GGACT: variants seen among roughly 807,000 people sequenced by gnomAD.
The protein encoded by GGACT is gamma-glutamylamine cyclotransferase.
For missense variants in GGACT, 241 were observed against 233.2 expected (o/e 1.03, Z -0.22); for synonymous variants, 118 against 115.3 (o/e 1.02, Z -0.15).
chr13:100,587,134 C>T (rs1875603354), intron 1 of GGACT: 1 of 152,226 alleles, frequency 6.6e-6, no homozygotes, highest in Non-Finnish European at 1.5e-5. Context: ...CCACACCAGC[C>T]TGCTGGTGTC....
intron 2 of GGACT, among the ~76,000 whole-genome samples, chr13:100,572,427 T>C (rs1360971690): frequency 6.6e-6 from 1 of 152,240 alleles, no homozygotes; most frequent in East Asian, 1.9e-4. Flanking sequence ...TTAATGGATA[T>C]AGAATTTTAG....
chr13:100,559,960 A>G (rs969869888), intron 2 of GGACT, among the ~76,000 whole-genome samples: 1 of 152,270 alleles, frequency 6.6e-6, no homozygotes, highest in South Asian at 2.1e-4. Flanking sequence ...AATAACATGC[A>G]TAAATCTCAA....
At chr13:100,541,305 T>C (rs1440568579) in intron 2 of GGACT, among the ~76,000 whole-genome samples, 2 of 150,962 alleles carry the variant, frequency 1.3e-5, no homozygotes, top group Admixed American at 1.3e-4. Flanking sequence ...AACAATCCAC[T>C]GTGCCATAAC....
intron 2 of GGACT, among the ~76,000 whole-genome samples, chr13:100,554,758 T>C (rs1001728370): frequency 3.3e-5 from 5 of 152,228 alleles, no homozygotes; most frequent in African/African-American, 7.2e-5. Flanking sequence ...AAAGGCTCGA[T>C]AGTTATTGAA....
intron 2 of GGACT, among the ~76,000 whole-genome samples, chr13:100,543,487 G>A (rs956783507): frequency 6.6e-6 from 1 of 152,052 alleles, no homozygotes; most frequent in Non-Finnish European, 1.5e-5. Flanking sequence ...TTGCAGGCAT[G>A]AGCCAGCACG....
chr13:100,556,747 T>C lies in GGACT; in HGVS notation c.-10-24146A>G, dbSNP rs1594190567. On this transcript the variant is annotated intron_variant, in intron 2 of 2. Coordinates refer to ENST00000683975, the MANE Select transcript of GGACT (RefSeq NM_001195087.2). ...GTGCGTATTTCATATTGCATGCTTG[T>C]ATCAAAGCATCTCATGTAACCCATA... 2.0e-5 allele frequency among the ~76,000 whole-genome samples: 3 copies of C among 152,314 alleles called. No homozygotes were observed. In the South Asian group the frequency reaches 6.2e-4, roughly 32 times the overall value.
rs572216619 is a variant in GGACT, at chr13:100,577,191, G to A, written c.-11+6634C>T. On this transcript the variant is annotated intron_variant, in intron 2 of 2. Transcript: ENST00000683975. ...AGCACTTTGGGAGGCTGAGGACGGCGGATCATCTGAGGTCAGGAGTTCAAG... is the reference window on the plus strand; with the variant it reads ...AGCACTTTGGGAGGCTGAGGACGGCAGATCATCTGAGGTCAGGAGTTCAAG... 2.0e-4 allele frequency among the ~76,000 whole-genome samples: 31 copies of A among 152,152 alleles called. No homozygotes were observed. The South Asian group carries it at 3.1e-3, about 15-fold the overall frequency.
At chr13:100,535,717 G>A (rs1307337487) in intron 2 of GGACT, 1 of 152,202 alleles carries the variant, frequency 6.6e-6, no homozygotes, top group Non-Finnish European at 1.5e-5. Context: ...TCTTGGCTAA[G>A]ACACAGAGCA....
intron 1 of GGACT, among the ~76,000 whole-genome samples, chr13:100,588,423 T>C (rs545475002): frequency 6.6e-6 from 1 of 152,330 alleles, no homozygotes; most frequent in East Asian, 1.9e-4. Context: ...ACGCTTCCTT[T>C]ACAGGGAAGC....
intron 2 of GGACT, among the ~76,000 whole-genome samples, chr13:100,569,768 C>A (rs1875024166): frequency 6.6e-6 from 1 of 152,194 alleles, no homozygotes; most frequent in Non-Finnish European, 1.5e-5. Flanking sequence ...CTTTTATGGT[C>A]TGCTTCCTCT....
intron 2 of GGACT, among the ~76,000 whole-genome samples, chr13:100,543,362 C>T (rs1368074810): frequency 5.9e-5 from 9 of 151,958 alleles, no homozygotes; most frequent in Admixed American, 4.6e-4. Context: ...TGCCCACCAC[C>T]ACGCCTGGCT....
At chr13:100,559,438 C>T (rs938351339) in intron 2 of GGACT, among the ~76,000 whole-genome samples, 10 of 151,848 alleles carry the variant, frequency 6.6e-5, no homozygotes, top group African/African-American at 1.2e-4. Flanking sequence ...CTACCCCCCT[C>T]GGCCTCCCAA....
intron 2 of GGACT, among the ~76,000 whole-genome samples, chr13:100,579,180 T>C (rs558226604): frequency 3.4e-4 from 52 of 152,306 alleles, no homozygotes; most frequent in Admixed American, 1.5e-3. Flanking sequence ...CAATCAGAGC[T>C]CACAGCCCTG....
Position 100,534,026 on chromosome 13 carries a change from C to T in GGACT, c.-10-1425G>A, listed in dbSNP as rs894560524. ...GACCCGCCAGAAATGGCCCCGGACA[C>T]CACACTTGCCACCAATCATGTGGAC... On this transcript the variant is annotated intron_variant, in intron 2 of 2. Transcript: ENST00000683975. This position sits in a 1 kb window ranked among gnomAD's most constrained non-coding sequence, Gnocchi z 4.9. Among the ~76,000 whole-genome samples the T allele has an allele frequency of 1.3e-5, 2 of 152,230 alleles. No homozygotes were observed. Among genetic ancestry groups the T allele is most frequent in the Non-Finnish European group, 2.9e-5 (2 of 68,042 alleles).
At chr13:100,581,005 T>C (rs1303707219) in intron 2 of GGACT, among the ~76,000 whole-genome samples, 2 of 152,148 alleles carry the variant, frequency 1.3e-5, no homozygotes, top group Admixed American at 6.5e-5. Flanking sequence ...ACTGTTGGAA[T>C]GGGAGGTGAG....
At chr13:100,551,100 T>C (rs1261782511) in intron 2 of GGACT, among the ~76,000 whole-genome samples, 4 of 151,410 alleles carry the variant, frequency 2.6e-5, no homozygotes, top group South Asian at 2.1e-4. Flanking sequence ...CTGGCTAACA[T>C]AGTGAAACCC....
intron 2 of GGACT, among the ~76,000 whole-genome samples, chr13:100,556,117 G>A (rs1054946963): frequency 1.3e-5 from 2 of 152,170 alleles, no homozygotes; most frequent in Non-Finnish European, 2.9e-5. Flanking sequence ...CTAAATCCTC[G>A]AGGTTCTAGC....
At chr13:100,551,407 C>T (rs957353124) in intron 2 of GGACT, among the ~76,000 whole-genome samples, 3 of 152,206 alleles carry the variant, frequency 2.0e-5, no homozygotes, top group African/African-American at 2.4e-5. Context: ...GACCAGCGCC[C>T]GTGGCAAGGT....
At chr13:100,539,498 A>G (rs1455917484) in intron 2 of GGACT, 1 of 200,190 alleles carries the variant, frequency 5.0e-6, no homozygotes, top group African/African-American at 2.4e-5. Flanking sequence ...AATGTAGTGT[A>G]TTACATTGAT....
Sources: gnomAD v4.1 joint callset for allele counts (sites outside exome capture counted in the v4.1 genomes callset) on GRCh38, gnomAD v4.1.1 for gene constraint, Gnocchi (gnomAD v3.1) non-coding constraint, MANE v1.5 for transcripts, NCBI Gene and HGNC (gene_info 2026-07-23, HGNC 2026-07-21) for gene names.